The following KLHDC4 variants were observed in gnomAD, a reference collection of about 807,000 sequenced individuals.
KLHDC4 encodes kelch domain-containing protein 4.
KLHDC4 carries 90 observed loss-of-function variants against 62.4 expected under a neutral mutation model. The ratio of observed to expected loss-of-function variants is 1.44; its 90% CI spans 1.22 to 1.72. The LOEUF (loss-of-function observed/expected upper bound fraction) is 1.72. Ranked by LOEUF, KLHDC4 falls within the 40% of genes most tolerant of loss-of-function variation. KLHDC4 has a pLI of 0.00. For synonymous variants in KLHDC4, 386 were observed against 284.4 expected (o/e 1.36, Z -3.59); for missense variants, 1,025 against 699.7 (o/e 1.47, Z -5.25).
intron 5 of KLHDC4, among the ~76,000 whole-genome samples, chr16:87,747,400 C>T (rs891536967): frequency 6.6e-6 from 1 of 152,236 alleles, no homozygotes; most frequent in Non-Finnish European, 1.5e-5. Flanking sequence ...AAAAGGACAA[C>T]TGTGTGCTGA....
chr16:87,758,266 C>G (rs1352125088), intron 2 of KLHDC4, among the ~76,000 whole-genome samples: 1 of 152,206 alleles, frequency 6.6e-6, no homozygotes. Flanking sequence ...ATGCAATGCT[C>G]GTTACGGCCT....
downstream of KLHDC4, chr16:87,703,137 C>G (rs2034241238): frequency 6.6e-6 from 1 of 152,260 alleles, no homozygotes; most frequent in African/African-American, 2.4e-5. Flanking sequence ...GATGTGTGGA[C>G]AGAGCTAGTC....
At chr16:87,706,226 G>GC (rs1459092942), downstream of KLHDC4, among the ~76,000 whole-genome samples, 4 of 115,660 alleles carry the variant, frequency 3.5e-5, 1 homozygote, top group South Asian at 7.4e-4. Context: ...AGCCCTCGGG[G>GC]GGGGGTCAGC....
At chr16:87,716,620 A>G (rs544121489) in intron 7 of KLHDC4, among the ~76,000 whole-genome samples, 6 of 152,184 alleles carry the variant, frequency 3.9e-5, no homozygotes, top group Admixed American at 2.6e-4. Flanking sequence ...CCTTTGTTGG[A>G]GAATAGTGTT....
intron 4 of KLHDC4, among the ~76,000 whole-genome samples, chr16:87,749,568 A>G (rs558580113): frequency 4.6e-4 from 70 of 151,832 alleles, no homozygotes; most frequent in African/African-American, 1.2e-3. Context: ...AAAAAAAAAA[A>G]AAAGAAAGAA....
exon 1 of KLHDC4, chr16:87,700,860 T>TTGGAGGGG: frequency 1.5e-5 from 1 of 67,396 alleles, no homozygotes; most frequent in Non-Finnish European, 2.8e-5. Context: ...GGTTGGAGGG[T>TTGGAGGGG]GGAGGGAGGA....
At chr16:87,741,027 T>A (rs368286725) in intron 5 of KLHDC4, 1 of 152,026 alleles carries the variant, frequency 6.6e-6, no homozygotes, top group East Asian at 1.9e-4. Flanking sequence ...TGAGTTTTGG[T>A]CTTGAGGTCA....
At chr16:87,702,080 C>A (rs955914888) in exon 1 of KLHDC4, 2 of 456,322 alleles carry the variant, frequency 4.4e-6, no homozygotes, top group Non-Finnish European at 8.8e-6. Flanking sequence ...AACTTGTGAC[C>A]CCCGAGATCA....
At chr16:87,762,264 T>TATTATCTCC in intron 1 of KLHDC4, 2 of 829,040 alleles carry the variant, frequency 2.4e-6, no homozygotes, top group Non-Finnish European at 3.5e-6. Context: ...GTGCACCAAG[T>TATTATCTCC]ATTATCTCCA....
At chr16:87,700,228 G>A (rs1286947499) in exon 1 of KLHDC4, 1 of 154,598 alleles carries the variant, frequency 6.5e-6, no homozygotes, top group East Asian at 1.9e-4. Flanking sequence ...AGTTTGATCT[G>A]ACTGTTCTTG....
At chr16:87,758,874 T>G (rs2094671883) in intron 2 of KLHDC4, among the ~76,000 whole-genome samples, 1 of 146,368 alleles carries the variant, frequency 6.8e-6, no homozygotes, top group Admixed American at 6.8e-5. Context: ...ACAGTTTTAA[T>G]GATTAAAATG....
At chr16:87,717,573 G>C (rs1221749010) in intron 7 of KLHDC4, among the ~76,000 whole-genome samples, 1 of 152,172 alleles carries the variant, frequency 6.6e-6, no homozygotes, top group Non-Finnish European at 1.5e-5. Context: ...AAACATCTGT[G>C]CAATTCCAGT....
chr16:87,720,603 G>A (rs1295585142), intron 7 of KLHDC4, among the ~76,000 whole-genome samples: 1 of 152,204 alleles, frequency 6.6e-6, no homozygotes, highest in Non-Finnish European at 1.5e-5. Context: ...ACGTTTTGCG[G>A]GGCTTGGGAG....
intron 2 of KLHDC4, among the ~76,000 whole-genome samples, chr16:87,760,030 G>A (rs1567836604): frequency 6.6e-6 from 1 of 151,986 alleles, no homozygotes; most frequent in African/African-American, 2.4e-5. Flanking sequence ...TTCTCACAAG[G>A]TTTTAAAGTA....
chr16:87,714,308 C>T (rs146351072), intron 8 of KLHDC4, 190 bp downstream of exon 8: 1 of 861,994 alleles, frequency 1.2e-6, no homozygotes, highest in Non-Finnish European at 1.4e-6. Context: ...AGGTGATTGC[C>T]CAGCAGACAC....
chr16:87,731,798 G>T (rs1334683195), intron 5 of KLHDC4, among the ~76,000 whole-genome samples: 1 of 152,202 alleles, frequency 6.6e-6, no homozygotes, highest in Non-Finnish European at 1.5e-5. Context: ...CAGCCGAGCT[G>T]TCCCTCAGTG....
At chr16:87,733,165 A>T (rs188858126) in intron 5 of KLHDC4, among the ~76,000 whole-genome samples, 1 of 151,286 alleles carries the variant, frequency 6.6e-6, no homozygotes, top group East Asian at 2.0e-4. Context: ...CAGCTTCTAC[A>T]GGTGAAAAGG....
intron 7 of KLHDC4, among the ~76,000 whole-genome samples, chr16:87,725,828 A>G (rs2039269588): frequency 6.6e-6 from 1 of 152,190 alleles, no homozygotes; most frequent in African/African-American, 2.4e-5. Context: ...GGTGGGCGCG[A>G]GAACATTCCT....
chr16:87,707,972 TGTGCGTCAGGACGCAC>T lies in KLHDC4; in HGVS notation c.*89_*104del, dbSNP rs1436239152. On this transcript the variant is annotated 3_prime_UTR_variant, in exon 12 of 12. Coordinates refer to ENST00000270583, the MANE Select transcript of KLHDC4 (RefSeq NM_017566.4). ...GGGCCACCCACCTTCAGCTCTCTCC[TGTGCGTCAGGACGCAC>T]GCTGGCCCCAAGAGCTTCACTCAAC... 2.1e-6 allele frequency: 1 copy of T among 472,922 alleles called. No homozygotes were observed. The highest frequency in any genetic ancestry group is 4.2e-6 in the Non-Finnish European group (1 of 238,162). The allele number at this position is 472,922 out of a possible 1,614,324, so 29.3% of individuals were successfully genotyped here.
Sources: gnomAD v4.1 joint callset for allele counts (sites outside exome capture counted in the v4.1 genomes callset) on GRCh38, gnomAD v4.1.1 for gene constraint, MANE v1.5 for transcripts, NCBI Gene and HGNC (gene_info 2026-07-23, HGNC 2026-07-21) for gene names.